TLE2: variants seen among roughly 807,000 people sequenced by gnomAD.
The protein encoded by TLE2 is transducin-like enhancer protein 2.
A neutral mutation model predicts 97.2 loss-of-function variants in TLE2; 74 were observed. The observed-to-expected ratio is 0.76, with a 90% CI of 0.63 to 0.92. The LOEUF is 0.92. Ranked by LOEUF, TLE2 falls within the 40% of genes least tolerant of loss-of-function variation. The pLI is 0.00. For missense variants in TLE2, 1,038 were observed against 1,008.7 expected (o/e 1.03, Z -0.39); for synonymous variants, 499 against 432.1 (o/e 1.15, Z -1.92).
At chr19:3,000,602 G>A (rs368876823) in intron 19 of TLE2, 45 bp downstream of exon 19, 54 of 1,532,412 alleles carry the variant, frequency 3.5e-5, no homozygotes, top group African/African-American at 1.1e-4. Flanking sequence ...TGGCATACCC[G>A]GGCACATGGC....
chr19:3,003,204 G>A (rs1339586660), intron 17 of TLE2, among the ~76,000 whole-genome samples: 2 of 152,154 alleles, frequency 1.3e-5, no homozygotes, highest in Non-Finnish European at 2.9e-5. Context: ...TGCTCTGAGC[G>A]CACAACAGCA....
At chr19:3,022,986 C>G (rs559206749) in intron 5 of TLE2, among the ~76,000 whole-genome samples, 1 of 151,818 alleles carries the variant, frequency 6.6e-6, no homozygotes, top group African/African-American at 2.4e-5. Context: ...AGCTGGCCCT[C>G]GAGCTGCAGT....
chr19:3,019,576 G>A lies in TLE2; in HGVS notation c.370-113C>T. On this transcript the variant is annotated intron_variant, in intron 6 of 19. Coordinates refer to ENST00000262953, the MANE Select transcript of TLE2 (RefSeq NM_003260.5). This position sits in a 1 kb window ranked among gnomAD's most constrained non-coding sequence, Gnocchi z 5.1. ...ACCTAAGCACAGCATGTGCCCCTGG[G>A]GTTCCCAGGACCACTGGAGCCAAGG... The A allele has an allele frequency of 6.6e-7, 1 of 1,504,264 alleles. No homozygotes were observed. Among genetic ancestry groups the A allele is most frequent in the African/African-American group, 1.4e-5 (1 of 72,388 alleles). The allele number at this position is 1,504,264 out of a possible 1,614,324, so 93.2% of individuals were successfully genotyped here.
intron 2 of TLE2, 55 bp downstream of exon 2, chr19:3,028,651 G>A (rs1268734465): frequency 2.5e-6 from 4 of 1,588,350 alleles, no homozygotes; most frequent in African/African-American, 1.4e-5. Flanking sequence ...CGGAGGCCTC[G>A]CCCCGCCCCG....
In TLE2 at chr19:3,019,682, G is replaced by A. The variant is rs1045074409; in HGVS notation, c.369+17C>T. The A allele has an allele frequency of 1.9e-6, 3 of 1,603,198 alleles. No homozygotes were observed. Among genetic ancestry groups the A allele is most frequent in the South Asian group, 1.1e-5 (1 of 89,460 alleles). On this transcript the variant is annotated intron_variant, in intron 6 of 19. Coordinates refer to ENST00000262953, the MANE Select transcript of TLE2 (RefSeq NM_003260.5). The surrounding 1 kb of genome is among the most constrained non-coding windows in gnomAD (Gnocchi z 5.1). ...TGGGCGTCTCCCCATGGCGGGGCAG[G>A]GGCTAGAGAGACTCACCCCGATGAG...
chr19:3,035,105 A>C (rs2090052170), intron 1 of TLE2, among the ~76,000 whole-genome samples: 1 of 152,120 alleles, frequency 6.6e-6, no homozygotes, highest in Admixed American at 6.5e-5. Context: ...ACACAGGAAC[A>C]CACCCCATCC....
In TLE2 at chr19:3,029,187, C is replaced by T; in HGVS notation, c.-283G>A. ...CGGCGAGGGCGGCCGCGGCAGCCGG[C>T]GCAGAAGGTCGGGCGCGCCGCGGCC... On this transcript the variant is annotated 5_prime_UTR_variant, in exon 1 of 20. Transcript: ENST00000262953. 1 of 660,452 alleles carries T rather than the reference C, an allele frequency of 1.5e-6. No individual in the cohort carries two copies. Among genetic ancestry groups the T allele is most frequent in the Non-Finnish European group, 1.9e-6 (1 of 536,330 alleles). 40.9% of individuals were successfully genotyped at this position (660,452 alleles called of 1,614,324 possible). A position where few individuals can be genotyped will look rare whatever the true frequency, so the allele number is the denominator to read the frequency against.
chr19:3,041,000 T>TATATATATATATATATATATATAC (rs1357746644), intron 1 of TLE2, among the ~76,000 whole-genome samples: 1 of 31,514 alleles, frequency 3.2e-5, no homozygotes, highest in African/African-American at 2.0e-4. Context: ...TTTATATATA[T>TATATATATATATATATATATATAC]ATATATATAT....
chr19:3,026,048 C>T (rs1049738009), intron 4 of TLE2, among the ~76,000 whole-genome samples: 3 of 152,068 alleles, frequency 2.0e-5, no homozygotes, highest in African/African-American at 7.2e-5. Context: ...ATCTAGGAGC[C>T]CATGAAGCTC....
intron 8 of TLE2, 106 bp downstream of exon 8, chr19:3,017,734 G>T: frequency 9.2e-7 from 1 of 1,092,508 alleles, no homozygotes; most frequent in South Asian, 1.6e-5. Flanking sequence ...TCAAAGGCGT[G>T]AGCCACCATG....
upstream of TLE2, chr19:3,029,556 AGCGGGGGGGGGGGCTT>A: frequency 7.6e-5 from 20 of 261,474 alleles, no homozygotes; most frequent in Non-Finnish European, 9.3e-5. Context: ...CCACCGTGGG[AGCGGGGGGGGGGGCTT>A]GCGGGGAGCG....
intron 18 of TLE2, among the ~76,000 whole-genome samples, chr19:3,001,842 G>C (rs1004962530): frequency 7.1e-6 from 1 of 141,582 alleles, no homozygotes; most frequent in Non-Finnish European, 1.5e-5. Context: ...TTGTCTCCCA[G>C]GCTGGAATGC....
In TLE2 at chr19:3,008,923, T is replaced by TG. The variant is rs1383440699; in HGVS notation, c.1195dup (p.His399ProfsTer125). 3 of 1,593,436 alleles carry TG rather than the reference T, an allele frequency of 1.9e-6. No homozygotes were observed. The highest frequency in any genetic ancestry group is 2.6e-6 in the Non-Finnish European group (3 of 1,170,248). ...GGAAGAGACGGATGACCCTCGGAGA[T>TG]GGGGATGAGACTCAAATGCCATCTG... On this transcript the variant is annotated frameshift_variant, in exon 14 of 20. Coordinates refer to ENST00000262953, the MANE Select transcript of TLE2 (RefSeq NM_003260.5). LOFTEE classifies it high-confidence loss of function.
intron 11 of TLE2, 72 bp from the exon 12 acceptor site, chr19:3,011,232 C>A: frequency 6.8e-7 from 1 of 1,477,234 alleles, no homozygotes; most frequent in Admixed American, 2.5e-5. Flanking sequence ...TGATCAGAAA[C>A]TGGGGTTGGG....
At chr19:3,040,122 C>A (rs1051300620) in intron 1 of TLE2, among the ~76,000 whole-genome samples, 1 of 152,246 alleles carries the variant, frequency 6.6e-6, no homozygotes, top group South Asian at 2.1e-4. Context: ...TGCAGCAACC[C>A]CATCACCCAC....
In TLE2 at chr19:3,015,779, CG is replaced by C. The variant is rs1241854876; in HGVS notation, c.571-20del. ...ATGCACTCTGCGGAGAGACAAAGGC[CG>C]GGGGGAGAAAGGGTCAGGGCCCTGG... On this transcript the variant is annotated intron_variant, in intron 8 of 19. Coordinates refer to ENST00000262953, the MANE Select transcript of TLE2 (RefSeq NM_003260.5). 1.3e-6 allele frequency: 2 copies of C among 1,575,456 alleles called. No individual in the cohort carries two copies.
In TLE2 at chr19:3,014,615, C is replaced by A; in HGVS notation, c.679-1G>T. ...AATCACTCTTGTCTTCGTCGCTTTC[C>A]TGGGGGAAGATGGGGGAGAGAGCTC... is the stretch of plus-strand genomic sequence containing the variant. On this transcript the variant is annotated splice_acceptor_variant, in intron 9 of 19. Transcript: ENST00000262953. LOFTEE classifies it high-confidence loss of function. 6.3e-7 allele frequency: 1 copy of A among 1,590,604 alleles called. No homozygotes were observed. Among genetic ancestry groups the A allele is most frequent in the Non-Finnish European group, 8.6e-7 (1 of 1,168,060 alleles).
chr19:3,011,970 C>T (rs187362267), intron 11 of TLE2, among the ~76,000 whole-genome samples: 2 of 152,020 alleles, frequency 1.3e-5, no homozygotes, highest in South Asian at 2.1e-4. Flanking sequence ...ATCAGACAGG[C>T]GCTGTGGCTC....
intron 18 of TLE2, among the ~76,000 whole-genome samples, chr19:3,001,439 G>A (rs1241410485): frequency 6.6e-6 from 1 of 151,596 alleles, no homozygotes; most frequent in Non-Finnish European, 1.5e-5. Context: ...TTGTTTGTTT[G>A]GTATAAGATA....
Sources: gnomAD v4.1 joint callset for allele counts (sites outside exome capture counted in the v4.1 genomes callset) on GRCh38, gnomAD v4.1.1 for gene constraint, Gnocchi (gnomAD v3.1) non-coding constraint, MANE v1.5 for transcripts, NCBI Gene and HGNC (gene_info 2026-07-23, HGNC 2026-07-21) for gene names.